WDR31: variants seen among roughly 807,000 people sequenced by gnomAD.
The protein encoded by WDR31 is WD repeat-containing protein 31.
WDR31 carries 30 observed loss-of-function variants against 47.3 expected under a neutral mutation model. That is an observed-to-expected ratio of 0.63 (90% CI 0.47 to 0.86). The LOEUF (loss-of-function observed/expected upper bound fraction) is 0.86, where lower values mean the gene tolerates loss of function less well. Among genes scored for constraint, WDR31 ranks in the 40% least tolerant of loss-of-function variants. WDR31 has a pLI of 0.00. For missense variants in WDR31, 406 were observed against 442.9 expected (o/e 0.92, Z 0.75); for synonymous variants, 137 against 159.4 (o/e 0.86, Z 1.06).
chr9:113,317,114 C>T (rs1025950436), intron 10 of WDR31, among the ~76,000 whole-genome samples: 3 of 152,134 alleles, frequency 2.0e-5, no homozygotes, highest in East Asian at 1.9e-4. Flanking sequence ...GAATGGCACA[C>T]GGGCCAAACA....
intron 5 of WDR31, among the ~76,000 whole-genome samples, chr9:113,324,019 C>A (rs1833393276): frequency 6.6e-6 from 1 of 150,412 alleles, no homozygotes; most frequent in Admixed American, 6.6e-5. Flanking sequence ...TGATCTCTTC[C>A]ATCGTGTTTC....
intron 1 of WDR31, among the ~76,000 whole-genome samples, chr9:113,338,255 G>A (rs1297693931): frequency 1.3e-5 from 2 of 152,130 alleles, no homozygotes; most frequent in African/African-American, 4.8e-5. Context: ...TGAATCTAGA[G>A]GATATTAAAG....
chr9:113,320,599 G>A (rs1238343823), intron 8 of WDR31, 101 bp from the exon 9 acceptor site: 19 of 1,432,188 alleles, frequency 1.3e-5, no homozygotes, highest in Non-Finnish European at 1.7e-5. Context: ...TGCTGCATAG[G>A]CCAGTCAGAT....
At chr9:113,320,909 C>T (rs1346751598) in intron 8 of WDR31, among the ~76,000 whole-genome samples, 1 of 152,232 alleles carries the variant, frequency 6.6e-6, no homozygotes, top group East Asian at 1.9e-4. Flanking sequence ...AAAAGATTTA[C>T]ATACAGGTCA....
chr9:113,332,439 C>T (rs1833619221), intron 2 of WDR31, among the ~76,000 whole-genome samples: 2 of 152,142 alleles, frequency 1.3e-5, no homozygotes, highest in Non-Finnish European at 2.9e-5. Context: ...GTGGTCAATC[C>T]ACACAATGAA....
At chr9:113,339,083 C>T (rs1833775638) in intron 1 of WDR31, among the ~76,000 whole-genome samples, 2 of 152,194 alleles carry the variant, frequency 1.3e-5, no homozygotes, top group Admixed American at 1.3e-4. Flanking sequence ...CTGGATGTCC[C>T]TGTTGGTTCC....
chr9:113,332,142 G>A, intron 2 of WDR31, 92 bp from the exon 3 acceptor site: 1 of 889,970 alleles, frequency 1.1e-6, no homozygotes, highest in Non-Finnish European at 1.7e-6. Context: ...CTAATTAATT[G>A]TATGCTTTTG....
At chr9:113,327,046 G>A (rs1275240024) in intron 5 of WDR31, among the ~76,000 whole-genome samples, 1 of 152,084 alleles carries the variant, frequency 6.6e-6, no homozygotes, top group Non-Finnish European at 1.5e-5. Context: ...ATGTTGCCCA[G>A]GCTGGTCTCA....
rs149734502 is a variant in WDR31 at position 113,318,574 on chromosome 9, C to T, written c.844G>A (p.Ala282Thr). Residue 282 changes from alanine to threonine, a missense_variant, in exon 10 of 11, where the codon GCA (alanine) becomes ACA (threonine). Physicochemically the swap from Ala to Thr is moderately conservative, Grantham distance 58. Coordinates refer to ENST00000374193, the MANE Select transcript of WDR31 (RefSeq NM_001012361.4). ...CEYKGHFQTV[A>T]SCVFLPRALA... ...GCTCTTGGTAGAAAGACGCAGGATGCGACAGTCTGGAAATGCCCCTTATAC... is the reference window on the plus strand; with the variant it reads ...GCTCTTGGTAGAAAGACGCAGGATGTGACAGTCTGGAAATGCCCCTTATAC... 1.9e-5 allele frequency: 31 copies of T among 1,614,058 alleles called. No homozygotes were observed. The highest frequency in any genetic ancestry group is 1.2e-4 in the Admixed American group (7 of 60,002).
At chr9:113,321,410 G>T in intron 8 of WDR31, 101 bp downstream of exon 8, 1 of 1,196,076 alleles carries the variant, frequency 8.4e-7, no homozygotes, top group Non-Finnish European at 1.2e-6. Flanking sequence ...GCTCTGGGAA[G>T]GGCAGAGCAA....
Position 113,320,338 on chromosome 9 carries a change from A to T in WDR31, c.780+19T>A, listed in dbSNP as rs761146147. On this transcript the variant is annotated intron_variant, in intron 9 of 10. Transcript: ENST00000374193. ...TGTTCATCAGCAACCAGATACCTGG[A>T]CCTCACACAGTCTCCTACCGTGGCT... 6.2e-7 allele frequency: 1 copy of T among 1,613,150 alleles called. No homozygotes were observed. Among genetic ancestry groups the T allele is most frequent in the East Asian group, 2.2e-5 (1 of 44,876 alleles).
intron 1 of WDR31, among the ~76,000 whole-genome samples, chr9:113,336,895 A>G (rs1588052549): frequency 6.6e-6 from 1 of 152,234 alleles, no homozygotes; most frequent in East Asian, 1.9e-4. Flanking sequence ...AAAGATCTGC[A>G]GAATAAGGAT....
Position 113,331,078 on chromosome 9 carries a change from T to C in WDR31, c.155A>G (p.Lys52Arg). The C allele has an allele frequency of 6.2e-7, 1 of 1,605,326 alleles. No individual in the cohort carries two copies. Among genetic ancestry groups the C allele is most frequent in the Non-Finnish European group, 8.5e-7 (1 of 1,174,114 alleles). Residue 52 changes from lysine to arginine, a missense_variant, in exon 4 of 11, where the codon AAA becomes AGA. Coordinates refer to ENST00000374193, the MANE Select transcript of WDR31 (RefSeq NM_001012361.4). ...DEIIEERIQTKAFQEYSPAHM... is the reference protein window; with the variant it reads ...DEIIEERIQTRAFQEYSPAHM... ...AGCTGGGCTATACTCTTGAAAAGCTTTAGTTTGAATTCTCTCTTCTATAAT... is the reference window on the plus strand; with the variant it reads ...AGCTGGGCTATACTCTTGAAAAGCTCTAGTTTGAATTCTCTCTTCTATAAT...
At chr9:113,326,331 G>A (rs971882034) in intron 5 of WDR31, among the ~76,000 whole-genome samples, 6 of 152,106 alleles carry the variant, frequency 3.9e-5, no homozygotes, top group East Asian at 1.9e-4. Flanking sequence ...AACACTCTCC[G>A]CACATACAGA....
At position 113,328,882 on chromosome 9, in the gene WDR31, T is replaced by C; in HGVS notation, c.323A>G (p.Lys108Arg). The C allele has an allele frequency of 1.2e-6, 2 of 1,612,806 alleles. No individual in the cohort carries two copies. Among genetic ancestry groups the C allele is most frequent in the Non-Finnish European group, 1.7e-6 (2 of 1,178,724 alleles). The change falls in exon 5 of 11, where the codon AAG becomes AGG. Residue 108 changes from lysine (K) to arginine (R), a missense_variant and splice_region_variant. Physicochemically the swap from Lys to Arg is conservative, Grantham distance 26. Coordinates refer to ENST00000374193, the MANE Select transcript of WDR31 (RefSeq NM_001012361.4). Reference sequence around the variant, plus strand: ...TCATAATAATCATTTGAAAATTACCTTGGTGATCTCATGTTCATGTCCTTT... The same window carrying C: ...TCATAATAATCATTTGAAAATTACCCTGGTGATCTCATGTTCATGTCCTTT... The part of the protein sequence containing the change: ...RFKGHEHEIT[K>R]VACIPKSSQF...
At chr9:113,327,656 AT>A (rs891601731) in intron 5 of WDR31, among the ~76,000 whole-genome samples, 1 of 149,628 alleles carries the variant, frequency 6.7e-6, no homozygotes, top group Non-Finnish European at 1.5e-5. Flanking sequence ...TGCCTGGCTA[AT>A]TTTTTTTATT....
At chr9:113,317,238 C>T (rs1833226189) in intron 10 of WDR31, among the ~76,000 whole-genome samples, 1 of 152,200 alleles carries the variant, frequency 6.6e-6, no homozygotes, top group African/African-American at 2.4e-5. Context: ...GGGAAAAACA[C>T]ACAAGGATAC....
chr9:113,327,420 C>T (rs1054057818), intron 5 of WDR31, among the ~76,000 whole-genome samples: 2 of 85,136 alleles, frequency 2.3e-5, no homozygotes, highest in Non-Finnish European at 4.8e-5. Context: ...GTGTTACATG[C>T]ACACACACAC....
intron 4 of WDR31, among the ~76,000 whole-genome samples, chr9:113,330,620 T>C (rs890765467): frequency 2.6e-5 from 4 of 152,236 alleles, no homozygotes; most frequent in African/African-American, 7.2e-5. Context: ...TGTGTCTCCA[T>C]GTAGGTGTAA....
Sources: gnomAD v4.1 joint callset for allele counts (sites outside exome capture counted in the v4.1 genomes callset) on GRCh38, gnomAD v4.1.1 for gene constraint, MANE v1.5 for transcripts, NCBI Gene and HGNC (gene_info 2026-07-23, HGNC 2026-07-21) for gene names.